EXOC6B: variants seen among roughly 807,000 people sequenced by gnomAD.
The protein encoded by EXOC6B is SEC15 homolog B.
Under a neutral mutation model 113.5 loss-of-function variants are expected in EXOC6B, and 54 were observed. That is an observed-to-expected ratio of 0.48 (90% CI 0.38 to 0.60). The LOEUF is 0.60. Ranked by LOEUF, EXOC6B falls within the 20% of genes least tolerant of loss-of-function variation. The probability of loss-of-function intolerance (pLI) is 0.00; values close to 1 mark genes in which losing one functional copy is unlikely to be tolerated. For synonymous variants in EXOC6B, 357 were observed against 339.0 expected, an observed-to-expected ratio of 1.05 and a Z score of -0.58; for missense variants, 797 against 977.5, an observed-to-expected ratio of 0.82 and a Z score of 2.46.
chr2:72,383,425 G>T (rs924384908), intron 18 of EXOC6B, among the ~76,000 whole-genome samples: 1 of 151,928 alleles, frequency 6.6e-6, no homozygotes, highest in Non-Finnish European at 1.5e-5. Flanking sequence ...TTAGAGAAAT[G>T]CAAATCAAAA....
chr2:72,625,772 G>C (rs1672014735), intron 6 of EXOC6B, among the ~76,000 whole-genome samples: 1 of 152,152 alleles, frequency 6.6e-6, no homozygotes, highest in Non-Finnish European at 1.5e-5. Flanking sequence ...TTTCCTTCTA[G>C]TGCTACAAGA....
chr2:72,819,445 C>T (rs17503695), intron 1 of EXOC6B, among the ~76,000 whole-genome samples: 1,739 of 152,178 alleles, frequency 0.011, 14 homozygotes, highest in Non-Finnish European at 0.018. Context: ...TTGTCAAGGA[C>T]GGAGTATATC....
intron 7 of EXOC6B, among the ~76,000 whole-genome samples, chr2:72,571,994 A>C (rs1704540535): frequency 6.6e-6 from 1 of 152,232 alleles, no homozygotes; most frequent in African/African-American, 2.4e-5. Context: ...TTCTTCACAG[A>C]GTAAAGAAAG....
chr2:72,297,909 T>TA (rs1266605559), intron 20 of EXOC6B, among the ~76,000 whole-genome samples: 51 of 152,302 alleles, frequency 3.3e-4, no homozygotes, highest in African/African-American at 1.2e-3. Flanking sequence ...TATTTCCAAT[T>TA]ATGTGGTCAA....
At chr2:72,656,745 G>A in intron 6 of EXOC6B, among the ~76,000 whole-genome samples, 1 of 152,130 alleles carries the variant, frequency 6.6e-6, no homozygotes, top group East Asian at 1.9e-4. Flanking sequence ...ACTACTATCA[G>A]TTGATATATG....
At chr2:72,229,930 T>C (rs560853613) in intron 20 of EXOC6B, among the ~76,000 whole-genome samples, 1 of 152,074 alleles carries the variant, frequency 6.6e-6, no homozygotes, top group Non-Finnish European at 1.5e-5. Context: ...GGTATTCCCA[T>C]CTCAAAGCAT....
intron 8 of EXOC6B, among the ~76,000 whole-genome samples, chr2:72,527,250 T>TAA (rs1701788985): frequency 6.6e-6 from 1 of 152,048 alleles, no homozygotes; most frequent in African/African-American, 2.4e-5. Flanking sequence ...TTACACTTTT[T>TAA]AAGTTATTTT....
intron 6 of EXOC6B, among the ~76,000 whole-genome samples, chr2:72,652,563 A>C (rs1470135086): frequency 6.6e-6 from 1 of 151,776 alleles, no homozygotes; most frequent in Non-Finnish European, 1.5e-5. Flanking sequence ...GATGAAGAAT[A>C]ACATTTCTGA....
At chr2:72,179,572 A>G in intron 21 of EXOC6B, 111 bp from the exon 22 acceptor site, 4 of 1,252,178 alleles carry the variant, frequency 3.2e-6, no homozygotes, top group Non-Finnish European at 4.6e-6. Flanking sequence ...CAGAGTAATG[A>G]GAGAGTCCAG....
chr2:72,235,235 A>G (rs910022907), intron 20 of EXOC6B, among the ~76,000 whole-genome samples: 1 of 152,244 alleles, frequency 6.6e-6, no homozygotes, highest in African/African-American at 2.4e-5. Context: ...GAATGAGATC[A>G]TGTCCTTTTC....
intron 18 of EXOC6B, among the ~76,000 whole-genome samples, chr2:72,446,529 C>A (rs11695629): frequency 0.17 from 26,077 of 152,006 alleles, 3,113 homozygotes; most frequent in African/African-American, 0.33. Flanking sequence ...GAACAGAAAA[C>A]CAAACACCCA....
chr2:72,571,685 T>C (rs1383631887), intron 7 of EXOC6B, among the ~76,000 whole-genome samples: 1 of 152,194 alleles, frequency 6.6e-6, no homozygotes, highest in Non-Finnish European at 1.5e-5. Flanking sequence ...GTTCAACATG[T>C]AAGTTGTTTT....
chr2:72,574,933 C>A, intron 7 of EXOC6B, among the ~76,000 whole-genome samples: 1 of 152,100 alleles, frequency 6.6e-6, no homozygotes. Flanking sequence ...TTATTCTTCC[C>A]TGACAGTGAC....
At chr2:72,409,195 A>T (rs1693996245) in intron 18 of EXOC6B, among the ~76,000 whole-genome samples, 1 of 152,206 alleles carries the variant, frequency 6.6e-6, no homozygotes, top group South Asian at 2.1e-4. Context: ...TAGAATGGCG[A>T]TCATTAAAAA....
chr2:72,435,687 T>A (rs1695810316), intron 18 of EXOC6B, among the ~76,000 whole-genome samples: 1 of 152,144 alleles, frequency 6.6e-6, no homozygotes, highest in Non-Finnish European at 1.5e-5. Context: ...AATTCTGTTT[T>A]ATCGGAGACT....
At chr2:72,529,731 G>C (rs1701901948) in intron 8 of EXOC6B, among the ~76,000 whole-genome samples, 2 of 152,120 alleles carry the variant, frequency 1.3e-5, no homozygotes, top group South Asian at 4.1e-4. Flanking sequence ...CCAAAGTTCT[G>C]GGATTATAGT....
chr2:72,448,724 A>C lies in EXOC6B; in HGVS notation c.1980+16436T>G, dbSNP rs973649066. On this transcript the variant is annotated intron_variant, in intron 18 of 21. Coordinates refer to ENST00000272427, the MANE Select transcript of EXOC6B (RefSeq NM_015189.3). ...TGGTTTGGAGCATCTGGTTAAATCA[A>C]TAATATCTTCAAATGTAAATGGCCC... Among the ~76,000 whole-genome samples, 5 of 152,214 alleles carry C rather than the reference A, an allele frequency of 3.3e-5. No homozygotes were observed. In the East Asian group the frequency reaches 9.6e-4, roughly 29 times the overall value.
At chr2:72,567,799 T>C (rs1704273396) in intron 7 of EXOC6B, among the ~76,000 whole-genome samples, 1 of 152,000 alleles carries the variant, frequency 6.6e-6, no homozygotes, top group Non-Finnish European at 1.5e-5. Flanking sequence ...TATAAAATGA[T>C]TATCCATGTG....
In EXOC6B at chr2:72,465,246, C is replaced by T. The variant is rs376905816; in HGVS notation, c.1894G>A (p.Gly632Arg). 70 of 1,610,766 alleles carry T rather than the reference C, an allele frequency of 4.3e-5. No individual in the cohort carries two copies. Among genetic ancestry groups the T allele is most frequent in the Middle Eastern group, 1.6e-4 (1 of 6,080 alleles). ...LQLADYDWMT[G>R]DLGNKASDYL... ...TCACTAGCTTTGTTGCCCAAATCTC[C>T]GGTCATCCAGTCATAGTCTGCCAGC... The change falls in exon 18 of 22, where the codon GGA becomes AGA. Residue 632 changes from glycine (G) to arginine (R), a missense_variant. Coordinates refer to ENST00000272427, the MANE Select transcript of EXOC6B (RefSeq NM_015189.3).
Sources: allele counts gnomAD v4.1 joint callset (sites outside exome capture counted in the v4.1 genomes callset), GRCh38; gene constraint gnomAD v4.1.1; transcripts MANE v1.5; gene names NCBI Gene and HGNC (gene_info 2026-07-23, HGNC 2026-07-21).